The following B3GALT1 variants were observed in gnomAD, a reference collection of about 807,000 sequenced individuals.
The protein encoded by B3GALT1 is UDP-Gal:betaGlcNAc beta 1,3-galactosyltransferase, polypeptide 1.
B3GALT1 carries 10 observed loss-of-function variants against 23.2 expected under a neutral mutation model. That is an observed-to-expected ratio of 0.43 (90% CI 0.27 to 0.73). The LOEUF is 0.73. Among genes scored for constraint, B3GALT1 ranks in the 30% least tolerant of loss-of-function variants. The probability of loss-of-function intolerance (pLI) is 0.21; values close to 1 mark genes in which losing one functional copy is unlikely to be tolerated. For missense variants in B3GALT1, 299 were observed against 405.4 expected (o/e 0.74, Z 2.25); for synonymous variants, 156 against 141.5 (o/e 1.10, Z -0.73).
chr2:167,661,050 A>C (rs527384705), intron 3 of B3GALT1, among the ~76,000 whole-genome samples: 1 of 152,260 alleles, frequency 6.6e-6, no homozygotes, highest in Admixed American at 6.5e-5. Flanking sequence ...AGAAGGGTAC[A>C]CTGTAATCTC....
intron 2 of B3GALT1, among the ~76,000 whole-genome samples, chr2:167,540,818 G>A (rs902243781): frequency 3.9e-5 from 6 of 152,064 alleles, no homozygotes; most frequent in Non-Finnish European, 7.4e-5. Context: ...AAAAACAGAA[G>A]GTAGGGATGT....
intron 3 of B3GALT1, among the ~76,000 whole-genome samples, chr2:167,716,849 G>A (rs1022285617): frequency 6.6e-6 from 1 of 151,890 alleles, no homozygotes; most frequent in Admixed American, 6.6e-5. Flanking sequence ...TTTTTTGGTT[G>A]CATTTTATAG....
chr2:167,804,802 T>C (rs1201071249), intron 3 of B3GALT1, among the ~76,000 whole-genome samples: 2 of 152,200 alleles, frequency 1.3e-5, no homozygotes, highest in Non-Finnish European at 2.9e-5. Flanking sequence ...TGCATGTGTC[T>C]TTATAGCAGC....
intron 1 of B3GALT1, among the ~76,000 whole-genome samples, chr2:167,449,322 C>T (rs1172309863): frequency 1.3e-5 from 2 of 151,902 alleles, no homozygotes; most frequent in East Asian, 1.9e-4. Flanking sequence ...GTTAGGTATA[C>T]TCCTAGGTTT....
intron 3 of B3GALT1, among the ~76,000 whole-genome samples, chr2:167,691,299 C>T (rs1211191583): frequency 1.3e-5 from 2 of 152,082 alleles, no homozygotes; most frequent in Non-Finnish European, 2.9e-5. Flanking sequence ...CCCATTTAGT[C>T]CTTCCCATGT....
At chr2:167,687,084 T>C (rs1282686876) in intron 3 of B3GALT1, among the ~76,000 whole-genome samples, 9 of 152,220 alleles carry the variant, frequency 5.9e-5, no homozygotes, top group Non-Finnish European at 1.2e-4. Context: ...AGCTCTCTAA[T>C]TTATTTCACA....
chr2:167,837,160 C>G lies in B3GALT1; in HGVS notation c.-230+18367C>G, dbSNP rs551833035. On this transcript the variant is annotated intron_variant, in intron 4 of 4. Coordinates refer to ENST00000392690, the MANE Select transcript of B3GALT1 (RefSeq NM_020981.4). ...CCAGCTAACATCATAATGACAGGAT[C>G]AAATTCACACATAACAATATTAACT... is the stretch of plus-strand genomic sequence containing the variant. Among the ~76,000 whole-genome samples the G allele has an allele frequency of 1.2e-4, 18 of 152,252 alleles. No individual in the cohort carries two copies. In the East Asian group the frequency reaches 3.3e-3, roughly 28 times the overall value.
chr2:167,534,781 A>G (rs527967905), intron 2 of B3GALT1, among the ~76,000 whole-genome samples: 1 of 152,292 alleles, frequency 6.6e-6, no homozygotes, highest in East Asian at 1.9e-4. Context: ...TCTTAGGTAA[A>G]TTTGTGAAGC....
chr2:167,601,141 C>A (rs879496935), intron 2 of B3GALT1, among the ~76,000 whole-genome samples: 1 of 152,136 alleles, frequency 6.6e-6, no homozygotes, highest in African/African-American at 2.4e-5. Flanking sequence ...CTCACTGCAA[C>A]CTCTGAGTCC....
At chr2:167,559,935 G>A (rs966039090) in intron 2 of B3GALT1, among the ~76,000 whole-genome samples, 2 of 152,078 alleles carry the variant, frequency 1.3e-5, no homozygotes, top group African/African-American at 2.4e-5. Flanking sequence ...CCAACGTTCA[G>A]ATTCAGGAAA....
chr2:167,558,976 TGG>T (rs1683909314), intron 2 of B3GALT1, among the ~76,000 whole-genome samples: 1 of 152,212 alleles, frequency 6.6e-6, no homozygotes, highest in African/African-American at 2.4e-5. Context: ...AGCACGCAGC[TGG>T]AGATCTGAGA....
At chr2:167,530,935 A>G (rs1337632298) in intron 2 of B3GALT1, among the ~76,000 whole-genome samples, 1 of 152,192 alleles carries the variant, frequency 6.6e-6, no homozygotes, top group Non-Finnish European at 1.5e-5. Context: ...AAGGGTACAT[A>G]ATAGGTGCAC....
intron 3 of B3GALT1, among the ~76,000 whole-genome samples, chr2:167,803,170 A>C (rs1688673803): frequency 6.6e-6 from 1 of 152,038 alleles, no homozygotes; most frequent in Non-Finnish European, 1.5e-5. Flanking sequence ...ACTTTCCATC[A>C]AACAGGAAAG....
At chr2:167,304,682 A>G (rs1298442578) in intron 1 of B3GALT1, among the ~76,000 whole-genome samples, 1 of 151,410 alleles carries the variant, frequency 6.6e-6, no homozygotes, top group East Asian at 1.9e-4. Flanking sequence ...AGAGACAGAA[A>G]GAGGGAGAGA....
intron 3 of B3GALT1, among the ~76,000 whole-genome samples, chr2:167,717,763 A>G (rs868496658): frequency 9.8e-5 from 15 of 152,334 alleles, no homozygotes; most frequent in Middle Eastern, 6.8e-3. Context: ...AACTGTTAAT[A>G]TATGATGCCA....
chr2:167,607,115 A>AT (rs1684975678), intron 2 of B3GALT1, among the ~76,000 whole-genome samples: 1 of 152,194 alleles, frequency 6.6e-6, no homozygotes, highest in Admixed American at 6.5e-5. Flanking sequence ...AGCTGAATTA[A>AT]CAAGAAGAAA....
chr2:167,826,704 T>A (rs1396597933), intron 4 of B3GALT1, among the ~76,000 whole-genome samples: 1 of 152,108 alleles, frequency 6.6e-6, no homozygotes, highest in Non-Finnish European at 1.5e-5. Flanking sequence ...ATCTGAGGCC[T>A]CAACCAACCG....
intron 1 of B3GALT1, among the ~76,000 whole-genome samples, chr2:167,346,675 T>C (rs977090487): frequency 2.0e-5 from 3 of 151,858 alleles, no homozygotes; most frequent in African/African-American, 7.3e-5. Context: ...TTTCTTTGGG[T>C]GTGTAAAACT....
At chr2:167,817,479 G>T (rs994011639) in intron 3 of B3GALT1, among the ~76,000 whole-genome samples, 1 of 152,156 alleles carries the variant, frequency 6.6e-6, no homozygotes, top group Non-Finnish European at 1.5e-5. Flanking sequence ...GACCTAGAAA[G>T]GTTAAGTATC....
Sources: gnomAD v4.1 joint callset for allele counts (sites outside exome capture counted in the v4.1 genomes callset) on GRCh38, gnomAD v4.1.1 for gene constraint, MANE v1.5 for transcripts, NCBI Gene and HGNC (gene_info 2026-07-23, HGNC 2026-07-21) for gene names.